Variants in RTL4 observed in about 807,000 individuals in gnomAD.
The protein encoded by RTL4 is retrotransposon Gag like 4.
Under a neutral mutation model 5.3 loss-of-function variants are expected in RTL4, and 4 were observed. The ratio of observed to expected loss-of-function variants is 0.75; its 90% CI spans 0.37 to 1.72. The LOEUF is 1.72. RTL4 is among the 40% of genes most tolerant of loss of function. The probability of loss-of-function intolerance (pLI) is 0.04; values close to 1 mark genes in which losing one functional copy is unlikely to be tolerated. For synonymous variants in RTL4, 98 were observed against 87.3 expected, an observed-to-expected ratio of 1.12 and a Z score of -0.68; for missense variants, 260 against 227.1, an observed-to-expected ratio of 1.14 and a Z score of -0.93.
At chrX:112,186,727 G>T in the RTL4 span, among the ~76,000 whole-genome samples, 1 of 111,914 alleles carries the variant, frequency 8.9e-6, no homozygotes, top group Non-Finnish European at 1.9e-5. Flanking sequence ...AGTTTGAGCA[G>T]GATATGAGTT....
At chrX:112,169,866 G>A in the RTL4 span, among the ~76,000 whole-genome samples, 1 of 111,859 alleles carries the variant, frequency 8.9e-6, no homozygotes, top group Non-Finnish European at 1.9e-5. Context: ...GACACATGCT[G>A]CCAGAATATC....
the RTL4 span, among the ~76,000 whole-genome samples, chrX:112,447,778 A>G: frequency 8.9e-6 from 1 of 111,962 alleles, no homozygotes; most frequent in Non-Finnish European, 1.9e-5. Flanking sequence ...CCCATACTCT[A>G]TAATGCCTGT....
At chrX:112,261,552 C>G in the RTL4 span, among the ~76,000 whole-genome samples, 6 of 111,626 alleles carry the variant, frequency 5.4e-5, no homozygotes, top group Admixed American at 1.9e-4. Flanking sequence ...AGGACACAAA[C>G]AAATGGAATT....
chrX:112,413,563 G>A, the RTL4 span, among the ~76,000 whole-genome samples: 1 of 111,093 alleles, frequency 9.0e-6, no homozygotes, highest in Non-Finnish European at 1.9e-5. Context: ...AGAAGGAACT[G>A]GAACTCATTA....
chrX:112,135,037 A>G, the RTL4 span, among the ~76,000 whole-genome samples: 2 of 112,368 alleles, frequency 1.8e-5, no homozygotes, highest in Non-Finnish European at 3.8e-5. Context: ...TTGTAAAGAC[A>G]TGCTCTCCTT....
the RTL4 span, among the ~76,000 whole-genome samples, chrX:112,178,135 A>C: frequency 6.3e-5 from 7 of 111,307 alleles, no homozygotes; most frequent in South Asian, 2.7e-3. Context: ...AGGAAATCCA[A>C]TCAATGTGGC....
the RTL4 span, among the ~76,000 whole-genome samples, chrX:112,179,325 G>C: frequency 1.8e-5 from 2 of 110,472 alleles, no homozygotes; most frequent in Non-Finnish European, 3.8e-5. Context: ...ACCATTTTAC[G>C]TACTCACATA....
the RTL4 span, among the ~76,000 whole-genome samples, chrX:112,260,223 G>A: frequency 9.0e-6 from 1 of 111,255 alleles, no homozygotes. Flanking sequence ...GCTCACAGGG[G>A]CCCCTGAAGG....
the RTL4 span, among the ~76,000 whole-genome samples, chrX:112,262,468 G>T: frequency 8.9e-6 from 1 of 112,123 alleles, no homozygotes. Context: ...GGCCATCAGA[G>T]AAATGCAAAT....
At chrX:112,214,250 T>C in the RTL4 span, among the ~76,000 whole-genome samples, 1 of 111,766 alleles carries the variant, frequency 8.9e-6, no homozygotes, top group Non-Finnish European at 1.9e-5. Context: ...CTCTTATAAG[T>C]GGTGTCATGT....
At chrX:112,451,731 G>A (rs149703555), upstream of RTL4, among the ~76,000 whole-genome samples, 1,390 of 111,242 alleles carry the variant, frequency 0.012, 30 homozygotes, top group African/African-American at 0.042. Context: ...ATTCTACCAC[G>A]TGGGAGAGAT....
At chrX:112,431,870 T>C in the RTL4 span, among the ~76,000 whole-genome samples, 1 of 79,658 alleles carries the variant, frequency 1.3e-5, no homozygotes, top group Non-Finnish European at 2.5e-5. Flanking sequence ...CCTAATGCTA[T>C]CCCTCCCCCC....
chrX:112,435,888 T>C, the RTL4 span, among the ~76,000 whole-genome samples: 1 of 112,170 alleles, frequency 8.9e-6, no homozygotes, highest in Non-Finnish European at 1.9e-5. Flanking sequence ...ATGGTCATGT[T>C]CAAACTTCAC....
chrX:112,390,594 T>A, the RTL4 span, among the ~76,000 whole-genome samples: 1 of 111,344 alleles, frequency 9.0e-6, no homozygotes, highest in African/African-American at 3.3e-5. Context: ...GTTGAAGATT[T>A]TTTTTTAAGA....
At chrX:112,208,999 C>T in the RTL4 span, among the ~76,000 whole-genome samples, 1 of 112,267 alleles carries the variant, frequency 8.9e-6, no homozygotes, top group East Asian at 2.8e-4. Flanking sequence ...TGTTACTGAG[C>T]CCATGCTTAA....
the RTL4 span, among the ~76,000 whole-genome samples, chrX:112,267,210 T>G: frequency 8.9e-6 from 1 of 111,921 alleles, no homozygotes; most frequent in East Asian, 2.8e-4. Flanking sequence ...TGTCCCCAAT[T>G]TTCTTTGGAG....
At chrX:112,359,228 T>C in the RTL4 span, among the ~76,000 whole-genome samples, 1 of 111,878 alleles carries the variant, frequency 8.9e-6, no homozygotes, top group Middle Eastern at 4.6e-3. Flanking sequence ...CAATGCATAA[T>C]AATCACATCA....
At chrX:112,139,180 A>G in the RTL4 span, among the ~76,000 whole-genome samples, 5 of 111,485 alleles carry the variant, frequency 4.5e-5, no homozygotes, top group South Asian at 3.8e-4. Context: ...TGCCATACAC[A>G]TCACATAATA....
upstream of RTL4, among the ~76,000 whole-genome samples, chrX:112,452,109 T>G (rs1478450593): frequency 9.8e-6 from 1 of 101,572 alleles, no homozygotes; most frequent in Admixed American, 1.1e-4. Flanking sequence ...TTTTTTTTTG[T>G]AGACAGAATC....
Sources: allele counts gnomAD v4.1 joint callset (sites outside exome capture counted in the v4.1 genomes callset), GRCh38; gene constraint gnomAD v4.1.1; transcripts MANE v1.5; gene names NCBI Gene and HGNC (gene_info 2026-07-23, HGNC 2026-07-21).